The following FAT2 variants were observed in gnomAD, a reference collection of about 807,000 sequenced individuals.
The protein encoded by FAT2 is FAT atypical cadherin 2, also known as protocadherin Fat 2.
Under a neutral mutation model 295.3 loss-of-function variants are expected in FAT2, and 150 were observed. That is an observed-to-expected ratio of 0.51 (90% CI 0.44 to 0.58). The LOEUF (loss-of-function observed/expected upper bound fraction) is 0.58, where lower values mean the gene tolerates loss of function less well. Among genes scored for constraint, FAT2 ranks in the 20% least tolerant of loss-of-function variants. The pLI is 0.00. For synonymous variants in FAT2, 2,026 were observed against 2,150.3 expected (o/e 0.94, Z 1.60); for missense variants, 4,868 against 5,442.7 (o/e 0.89, Z 3.32).
In FAT2 at chr5:151,545,317, C is replaced by A. The variant is rs145637545; in HGVS notation, c.5810G>T (p.Arg1937Leu). ...ATCAGAAGCCCTGATGGTGAGCTTCCGAGAGAGTCCCAGGAAAGCAGGATT... is the reference window on the plus strand; with the variant it reads ...ATCAGAAGCCCTGATGGTGAGCTTCAGAGAGAGTCCCAGGAAAGCAGGATT... ...VLNPAFLGLS[R>L]KLTIRASDGL... Residue 1937 changes from arginine (R) to leucine (L), a missense_variant, in exon 10 of 24, where the codon CGG (arginine) becomes CTG (leucine). Coordinates refer to ENST00000261800, the MANE Select transcript of FAT2 (RefSeq NM_001447.3). 5 of 1,614,042 alleles carry A rather than the reference C, an allele frequency of 3.1e-6. No individual in the cohort carries two copies. Among genetic ancestry groups the A allele is most frequent in the Non-Finnish European group, 4.2e-6 (5 of 1,180,012 alleles).
chr5:151,506,211 T>A, intron 23 of FAT2, 114 bp from the exon 24 acceptor site: 1 of 1,127,796 alleles, frequency 8.9e-7, no homozygotes, highest in Non-Finnish European at 1.2e-6. Context: ...TGGGTGGGCA[T>A]AGGCCCATCT....
At chr5:151,557,086 T>A (rs1437309942) in intron 3 of FAT2, among the ~76,000 whole-genome samples, 1 of 152,144 alleles carries the variant, frequency 6.6e-6, no homozygotes, top group South Asian at 2.1e-4. Flanking sequence ...CCCGTCAGGA[T>A]GGTTGCCAGC....
intron 3 of FAT2, among the ~76,000 whole-genome samples, chr5:151,561,273 G>A (rs1420000427): frequency 2.0e-5 from 3 of 152,210 alleles, no homozygotes; most frequent in Non-Finnish European, 4.4e-5. Flanking sequence ...ACTGAGGCAG[G>A]CCATGTGACT....
chr5:151,505,379 C>T lies in FAT2; in HGVS notation c.*186G>A, dbSNP rs1477865666. ...AGTGCTGTTTCTGGAGCTCTATCCT[C>T]AGCTTCCCTCCACCCTCAGGGACTA... On this transcript the variant is annotated 3_prime_UTR_variant, in exon 24 of 24. Transcript: ENST00000261800. The T allele has an allele frequency of 2.9e-6, 2 of 687,660 alleles. No homozygotes were observed. Among genetic ancestry groups the T allele is most frequent in the Non-Finnish European group, 4.8e-6 (2 of 413,308 alleles). 42.6% of individuals were successfully genotyped at this position (687,660 alleles called of 1,614,324 possible).
At chr5:151,582,981 G>A (rs1759020329) in intron 1 of FAT2, among the ~76,000 whole-genome samples, 1 of 152,106 alleles carries the variant, frequency 6.6e-6, no homozygotes, top group South Asian at 2.1e-4. Flanking sequence ...TCACCTGGAA[G>A]TCTCTGAGCC....
Position 151,568,600 on chromosome 5 carries a change from A to G in FAT2, c.332T>C (p.Val111Ala). ...GATGATGAGGGTGTAGCTGTCTCGC[A>G]CCTCTCTGTTCAGAAGAGCTGTGTT... Reference protein sequence around the residue: ...SSNTALLNREVRDSYTLIIQA... With the variant: ...SSNTALLNREARDSYTLIIQA... The change falls in exon 2 of 24, where the codon GTG becomes GCG. Residue 111 changes from valine to alanine, a missense_variant. Val to Ala is a moderately conservative substitution (Grantham distance 64). Around this residue, in one of 5 missense-constraint regions of FAT2, gnomAD observed 3,297 missense variants for 3,669.4 expected, o/e 0.90. Transcript: ENST00000261800. 4.3e-6 allele frequency: 7 copies of G among 1,613,942 alleles called. No homozygotes were observed. Among genetic ancestry groups the G allele is most frequent in the Non-Finnish European group, 5.9e-6 (7 of 1,179,980 alleles).
intron 16 of FAT2, 140 bp from the exon 17 acceptor site, chr5:151,527,517 T>C: frequency 1.4e-6 from 1 of 737,414 alleles, no homozygotes; most frequent in Non-Finnish European, 2.0e-6. Context: ...CCCGTAGCAT[T>C]TTAGGGCTTA....
At chr5:151,509,861 C>CA in intron 22 of FAT2, 160 bp downstream of exon 22, 1 of 775,050 alleles carries the variant, frequency 1.3e-6, no homozygotes, top group Non-Finnish European at 2.1e-6. Flanking sequence ...TCCCTGGTGC[C>CA]AAAAAGGTTG....
In FAT2 at chr5:151,510,047, G is replaced by A. The variant is rs2127567821; in HGVS notation, c.12033C>T (p.Asn4011=). Residue 4011 remains asparagine (N), a synonymous_variant, in exon 22 of 24, where the codon AAC becomes AAT. Coordinates refer to ENST00000261800, the MANE Select transcript of FAT2 (RefSeq NM_001447.3). ...TGTCTCCTGTGTAAGGATGAGGGCA[G>A]TTACAGGAAGCTCCTTTGGGGGAGA... The part of the protein sequence containing the change: ...CILSPKGASC[N]CPHPYTGDRC... 6.2e-7 allele frequency: 1 copy of A among 1,614,140 alleles called. No individual in the cohort carries two copies.
chr5:151,530,581 A>G (rs1490133577), intron 14 of FAT2, among the ~76,000 whole-genome samples: 2 of 152,252 alleles, frequency 1.3e-5, no homozygotes, highest in South Asian at 2.1e-4. Flanking sequence ...CAAATTCAGT[A>G]TGTAGATGTT....
intron 1 of FAT2, among the ~76,000 whole-genome samples, chr5:151,588,823 T>C (rs1759286021): frequency 6.6e-6 from 1 of 152,134 alleles, no homozygotes; most frequent in African/African-American, 2.4e-5. Context: ...ACTGTGAACA[T>C]AATAAATAAG....
In FAT2 at chr5:151,591,280, G is replaced by A. The variant is rs72798395; in HGVS notation, c.-136C>T. Among the ~76,000 whole-genome samples the A allele has an allele frequency of 0.02, 3,064 of 152,324 alleles. 55 individuals carry two copies. Among genetic ancestry groups the A allele is most frequent in the South Asian group, 0.031 (150 of 4,832 alleles). ...AGGTGCAGAGACTCGGAGCAGGAAG[G>A]CGCGCAGCCCGCAGCCGGAGAGGCT... On this transcript the variant is annotated 5_prime_UTR_variant, in exon 1 of 24. Transcript: ENST00000261800.
At position 151,553,198 on chromosome 5, in the gene FAT2, G is replaced by A. The variant is rs755271732; in HGVS notation, c.4135C>T (p.Leu1379Phe). ...GVISVEGRPG[L>F]FWFNISGGDK... ...TCACCTGAGATGTTGAACCAGAAGAGTCCGGGTCTGCCCTCTACGCTGATG... is the reference window on the plus strand; with the variant it reads ...TCACCTGAGATGTTGAACCAGAAGAATCCGGGTCTGCCCTCTACGCTGATG... The change falls in exon 6 of 24, where the codon CTC becomes TTC. Residue 1379 changes from leucine to phenylalanine, a missense_variant. By Grantham distance (22) the Leu-to-Phe change is conservative. Coordinates refer to ENST00000261800, the MANE Select transcript of FAT2 (RefSeq NM_001447.3). The A allele has an allele frequency of 5.6e-6, 9 of 1,614,138 alleles. No homozygotes were observed. The highest frequency in any genetic ancestry group is 7.6e-6 in the Non-Finnish European group (9 of 1,180,048).
At position 151,507,473 on chromosome 5, in the gene FAT2, A is replaced by T. The variant is rs1760982559; in HGVS notation, c.12198T>A (p.Leu4066=). 6.2e-7 allele frequency: 1 copy of T among 1,613,934 alleles called. No homozygotes were observed. The highest frequency in any genetic ancestry group is 1.3e-5 in the African/African-American group (1 of 74,886). ...ACTTGCAACGGCGGCAGTAGAAGAG[A>T]AGCCCGACAGTGCTTATGATAATGA... ...VAFIIISTVG[L]LFYCRRCKSH... is the part of the protein sequence containing the mutation. The change falls in exon 23 of 24, where the codon CTT becomes CTA. Residue 4066 remains leucine, a synonymous_variant. Transcript: ENST00000261800.
rs1755004217 is a variant in FAT2 at position 151,534,392 on chromosome 5, A to G, written c.9427+17T>C. ...CAGGAGATCATTGGAAATGGCCTCA[A>G]TCCTTCTCAGACTCACCTTGGTCGG... On this transcript the variant is annotated intron_variant, in intron 13 of 23. Coordinates refer to ENST00000261800, the MANE Select transcript of FAT2 (RefSeq NM_001447.3). 3 of 1,585,694 alleles carry G rather than the reference A, an allele frequency of 1.9e-6. No individual in the cohort carries two copies. The highest frequency in any genetic ancestry group is 2.6e-6 in the Non-Finnish European group (3 of 1,161,392).
chr5:151,534,950 C>T (rs571956307), intron 12 of FAT2, among the ~76,000 whole-genome samples: 20 of 109,054 alleles, frequency 1.8e-4, no homozygotes, highest in African/African-American at 5.2e-4. Flanking sequence ...TCCTTTGGTT[C>T]GTAATTCCAC....
Position 151,540,747 on chromosome 5 carries a change from G to T in FAT2, c.8859C>A (p.Gly2953=). Reference sequence around the variant, plus strand: ...CTCCAACTTGGCTGATGCCAAACTGGCCCAGGGGGTCTCCCTCTAAACAGA... The same window carrying T: ...CTCCAACTTGGCTGATGCCAAACTGTCCCAGGGGGTCTCCCTCTAAACAGA... ...TCYITEGDPL[G]QFGISQVGDE... is the part of the protein sequence containing the mutation. The change falls in exon 11 of 24, where the codon GGC becomes GGA. Residue 2953 remains glycine, a synonymous_variant. Coordinates refer to ENST00000261800, the MANE Select transcript of FAT2 (RefSeq NM_001447.3). The T allele has an allele frequency of 6.2e-7, 1 of 1,613,940 alleles. No individual in the cohort carries two copies. Among genetic ancestry groups the T allele is most frequent in the Non-Finnish European group, 8.5e-7 (1 of 1,179,928 alleles).
chr5:151,567,831 G>A lies in FAT2; in HGVS notation c.1101C>T (p.Tyr367=). ...LSSLKFEKAV[Y]RVQLSEFSPP... The stretch of plus-strand genomic sequence containing the variant: ...GGGAAAACTCACTAAGCTGCACTCT[G>A]TAAACAGCCTTCTCGAATTTGAGGG... Residue 367 remains tyrosine, a synonymous_variant, in exon 2 of 24, where the codon TAC becomes TAT. Coordinates refer to ENST00000261800, the MANE Select transcript of FAT2 (RefSeq NM_001447.3). 6.2e-7 allele frequency: 1 copy of A among 1,614,168 alleles called. No homozygotes were observed. The highest frequency in any genetic ancestry group is 8.5e-7 in the Non-Finnish European group (1 of 1,180,022).
At chr5:151,555,998 AC>A (rs1757661189) in intron 4 of FAT2, among the ~76,000 whole-genome samples, 2 of 152,228 alleles carry the variant, frequency 1.3e-5, no homozygotes, top group African/African-American at 4.8e-5. Flanking sequence ...TCTGCTACTG[AC>A]CTAGTGTTTG....
Sources: allele counts gnomAD v4.1 joint callset (sites outside exome capture counted in the v4.1 genomes callset), GRCh38; gene constraint gnomAD v4.1.1; regional missense constraint gnomAD v4.1.1; transcripts MANE v1.5; gene names NCBI Gene and HGNC (gene_info 2026-07-23, HGNC 2026-07-21).